Variants in PACS1 observed in about 807,000 individuals in gnomAD.
PACS1 encodes phosphofurin acidic cluster sorting protein 1, also known as PACS-1.
In PACS1, 24 loss-of-function variants were observed where a neutral mutation model predicts 115.0. That is an observed-to-expected ratio of 0.21 (90% CI 0.15 to 0.29). The LOEUF (loss-of-function observed/expected upper bound fraction) is 0.29, where lower values mean the gene tolerates loss of function less well. Among genes scored for constraint, PACS1 ranks in the 10% least tolerant of loss-of-function variants. The pLI is 1.00. For synonymous variants in PACS1, 453 were observed against 504.5 expected, an observed-to-expected ratio of 0.90 and a Z score of 1.37; for missense variants, 838 against 1,251.2, an observed-to-expected ratio of 0.67 and a Z score of 4.98.
intron 1 of PACS1, among the ~76,000 whole-genome samples, chr11:66,075,071 T>C (rs2430981): frequency 0.014 from 2,059 of 150,986 alleles, 38 homozygotes; most frequent in African/African-American, 0.047. Flanking sequence ...GCCTCCCGAG[T>C]AGCTGGGACT....
intron 1 of PACS1, among the ~76,000 whole-genome samples, chr11:66,174,111 C>T (rs922449154): frequency 4.0e-5 from 6 of 150,490 alleles, no homozygotes; most frequent in Non-Finnish European, 7.4e-5. Flanking sequence ...GCCAAATAAA[C>T]ACTTGAAATG....
intron 1 of PACS1, among the ~76,000 whole-genome samples, chr11:66,144,802 T>G (rs1183143166): frequency 2.0e-5 from 3 of 152,044 alleles, no homozygotes. Flanking sequence ...CCCAGCTAAT[T>G]TTTTGTATTT....
intron 1 of PACS1, among the ~76,000 whole-genome samples, chr11:66,131,985 A>G (rs946408024): frequency 6.6e-5 from 10 of 151,656 alleles, no homozygotes; most frequent in Admixed American, 2.6e-4. Context: ...TCCTCTCCCA[A>G]TCTTTATTCA....
chr11:66,081,240 A>G (rs1383593062), intron 1 of PACS1, among the ~76,000 whole-genome samples: 1 of 152,096 alleles, frequency 6.6e-6, no homozygotes, highest in Non-Finnish European at 1.5e-5. Context: ...CTCAAAAAAA[A>G]AGAAAAAAGA....
intron 1 of PACS1, among the ~76,000 whole-genome samples, chr11:66,141,322 C>G (rs939721063): frequency 1.3e-4 from 20 of 152,036 alleles, no homozygotes; most frequent in African/African-American, 4.8e-4. Flanking sequence ...GACAGGGTCT[C>G]GCCGTGTGGC....
chr11:66,216,451 C>T (rs1454514873), intron 5 of PACS1, 69 bp from the exon 6 acceptor site: 3 of 1,480,966 alleles, frequency 2.0e-6, no homozygotes, highest in African/African-American at 2.8e-5. Flanking sequence ...CCATTGATTC[C>T]AGCCCATCGA....
At chr11:66,166,168 G>A (rs528297186) in intron 1 of PACS1, among the ~76,000 whole-genome samples, 2 of 151,642 alleles carry the variant, frequency 1.3e-5, no homozygotes, top group Admixed American at 1.3e-4. Context: ...TTGTTTTTGA[G>A]ACAGAGTCTT....
intron 1 of PACS1, among the ~76,000 whole-genome samples, chr11:66,079,893 G>A (rs1857454459): frequency 6.6e-6 from 1 of 152,132 alleles, no homozygotes; most frequent in South Asian, 2.1e-4. Context: ...CCTCGCCTTA[G>A]GGCTTTTGCA....
At chr11:66,162,892 A>G (rs1859525221) in intron 1 of PACS1, among the ~76,000 whole-genome samples, 1 of 152,256 alleles carries the variant, frequency 6.6e-6, no homozygotes, top group African/African-American at 2.4e-5. Flanking sequence ...GATATCAGCA[A>G]TCCTGATGGG....
At chr11:66,110,344 G>A (rs1378963043) in intron 1 of PACS1, among the ~76,000 whole-genome samples, 3 of 151,798 alleles carry the variant, frequency 2.0e-5, no homozygotes, top group Non-Finnish European at 4.4e-5. Context: ...CTGTGTCACC[G>A]AGGCTGGAGT....
At chr11:66,192,452 G>C (rs1270109539) in intron 1 of PACS1, among the ~76,000 whole-genome samples, 1 of 152,224 alleles carries the variant, frequency 6.6e-6, no homozygotes, top group Non-Finnish European at 1.5e-5. Flanking sequence ...GCCTCCAAAG[G>C]CCCTGAGGCG....
Position 66,210,344 on chromosome 11 carries a change from T to A in PACS1, c.445-18T>A. 1 of 1,608,572 alleles carries A rather than the reference T, an allele frequency of 6.2e-7. No homozygotes were observed. The highest frequency in any genetic ancestry group is 2.2e-5 in the East Asian group (1 of 44,856). On this transcript the variant is annotated intron_variant, in intron 2 of 23. Coordinates refer to ENST00000320580, the MANE Select transcript of PACS1 (RefSeq NM_018026.4). Reference sequence around the variant, plus strand: ...AGCCACTGCACCTGGCCAAACAGACTTTTCTTCTTGGTTTCAGGGTTCAAA... The same window carrying A: ...AGCCACTGCACCTGGCCAAACAGACATTTCTTCTTGGTTTCAGGGTTCAAA...
intron 1 of PACS1, among the ~76,000 whole-genome samples, chr11:66,133,903 G>T (rs998575727): frequency 6.6e-6 from 1 of 152,124 alleles, no homozygotes; most frequent in African/African-American, 2.4e-5. Context: ...AAAGAAACTG[G>T]ATTAGCAAGC....
rs778970726 is a variant in PACS1, at chr11:66,219,811, G to A, written c.1038+6G>A. The A allele has an allele frequency of 1.2e-6, 2 of 1,603,570 alleles. No homozygotes were observed. The highest frequency in any genetic ancestry group is 1.7e-6 in the Non-Finnish European group (2 of 1,170,428). ...GGTTTAAAGTTTCAGATGAGGTATG[G>A]CCTCTTACTCCCAAGGTTAATGGTG... On this transcript the variant is annotated splice_donor_region_variant and intron_variant, in intron 8 of 23. Coordinates refer to ENST00000320580, the MANE Select transcript of PACS1 (RefSeq NM_018026.4).
rs1009541256 is a variant in PACS1, at chr11:66,157,844, T to TG, written c.357-35639dup. Among the ~76,000 whole-genome samples, 218 of 118,202 alleles carry TG rather than the reference T, an allele frequency of 1.8e-3. 1 individual carries two copies. Among genetic ancestry groups the TG allele is most frequent in the East Asian group, 8.3e-4 (4 of 4,796 alleles). 77.5% of individuals were successfully genotyped at this position (118,202 alleles called of 152,430 possible). ...CTGTCTGGGGAAATTGACTAGCCTA[T>TG]GGGAAAAAAAAAAAACCTAACATGG... On this transcript the variant is annotated intron_variant, in intron 1 of 23. Coordinates refer to ENST00000320580, the MANE Select transcript of PACS1 (RefSeq NM_018026.4).
chr11:66,107,260 C>T (rs554685251), intron 1 of PACS1, among the ~76,000 whole-genome samples: 1 of 152,290 alleles, frequency 6.6e-6, no homozygotes, highest in East Asian at 1.9e-4. Context: ...TTGGTCTCTG[C>T]ACTGCCTCTG....
intron 1 of PACS1, among the ~76,000 whole-genome samples, chr11:66,095,671 T>A (rs2134519531): frequency 6.6e-6 from 1 of 152,334 alleles, no homozygotes; most frequent in South Asian, 2.1e-4. Flanking sequence ...TTGGCCAGGA[T>A]GGTCTCGAAC....
At position 66,159,393 on chromosome 11, in the gene PACS1, C is replaced by T. The variant is rs143686588; in HGVS notation, c.357-34093C>T. Among the ~76,000 whole-genome samples the T allele has an allele frequency of 1.3e-3, 194 of 152,094 alleles. 1 individual carries two copies. The highest frequency in any genetic ancestry group is 4.3e-3 in the African/African-American group (180 of 41,484). On this transcript the variant is annotated intron_variant, in intron 1 of 23. Transcript: ENST00000320580. Reference sequence around the variant, plus strand: ...CGGAGGTTGCCGTGACCCAAGATCACGCCATTGCCCTCCAGCCTGGGCAAC... The same window carrying T: ...CGGAGGTTGCCGTGACCCAAGATCATGCCATTGCCCTCCAGCCTGGGCAAC...
At chr11:66,176,369 C>T (rs754690778) in intron 1 of PACS1, among the ~76,000 whole-genome samples, 2 of 152,014 alleles carry the variant, frequency 1.3e-5, no homozygotes, top group African/African-American at 4.8e-5. Flanking sequence ...AATGTTACTC[C>T]CCTGTCTAAA....
Sources: allele counts gnomAD v4.1 joint callset (sites outside exome capture counted in the v4.1 genomes callset), GRCh38; gene constraint gnomAD v4.1.1; transcripts MANE v1.5; gene names NCBI Gene and HGNC (gene_info 2026-07-23, HGNC 2026-07-21).